The following RABGAP1L variants were observed in gnomAD, a reference collection of about 807,000 sequenced individuals.
RABGAP1L encodes the protein RAB GTPase activating protein 1 like.
Under a neutral mutation model 137.7 loss-of-function variants are expected in RABGAP1L, and 63 were observed. The ratio of observed to expected loss-of-function variants is 0.46; its 90% confidence interval spans 0.37 to 0.56. The LOEUF is 0.56. RABGAP1L is among the 20% of genes least tolerant of loss of function. The pLI, the probability that RABGAP1L is intolerant of heterozygous loss-of-function variation, is 0.00. For missense variants in RABGAP1L, 1,095 were observed against 1,244.0 expected (o/e 0.88, Z 1.80); for synonymous variants, 431 against 433.7 (o/e 0.99, Z 0.08).
In RABGAP1L at chr1:174,176,492, T is replaced by A. The variant is rs1205173870; in HGVS notation, c.-34+16835T>A. The stretch of plus-strand genomic sequence containing the variant: ...TGGGAGGCCGAGGCGGGCGGATCGC[T>A]GGAGCTTAGGAGTTCAAGATTAGCC... On this transcript the variant is annotated intron_variant, in intron 1 of 25. Coordinates refer to ENST00000681986, the MANE Select transcript of RABGAP1L (RefSeq NM_001366446.1). Among the ~76,000 whole-genome samples the A allele has an allele frequency of 2.0e-5, 3 of 150,656 alleles. No homozygotes were observed. The East Asian group carries it at 5.9e-4, about 30-fold the overall frequency.
At chr1:174,217,428 G>A (rs1669423133) in intron 1 of RABGAP1L, among the ~76,000 whole-genome samples, 1 of 152,156 alleles carries the variant, frequency 6.6e-6, no homozygotes, top group Non-Finnish European at 1.5e-5. Flanking sequence ...CTTAGAGTGT[G>A]TGACAAGGGA....
chr1:174,449,394 C>T (rs539082626), intron 13 of RABGAP1L, among the ~76,000 whole-genome samples: 2 of 152,060 alleles, frequency 1.3e-5, no homozygotes, highest in South Asian at 4.1e-4. Flanking sequence ...AGGGTTAGCT[C>T]ATGAAATAAT....
chr1:174,423,959 A>C (rs1054922644), intron 13 of RABGAP1L, among the ~76,000 whole-genome samples: 1 of 152,176 alleles, frequency 6.6e-6, no homozygotes, highest in Non-Finnish European at 1.5e-5. Context: ...GAGGCAAATG[A>C]TCTGACAAGT....
At chr1:174,380,947 C>T (rs936543387) in intron 12 of RABGAP1L, among the ~76,000 whole-genome samples, 8 of 124,224 alleles carry the variant, frequency 6.4e-5, no homozygotes, top group African/African-American at 2.6e-4. Context: ...TTTCCCTCTA[C>T]ACACTGCTTT....
intron 13 of RABGAP1L, among the ~76,000 whole-genome samples, chr1:174,402,752 C>T (rs1229194274): frequency 6.6e-6 from 1 of 152,134 alleles, no homozygotes; most frequent in Non-Finnish European, 1.5e-5. Flanking sequence ...GACCTTGTTC[C>T]TGTGTAGAAA....
At chr1:174,327,993 A>ATATATG (rs1680659333) in intron 11 of RABGAP1L, among the ~76,000 whole-genome samples, 1 of 60,496 alleles carries the variant, frequency 1.7e-5, no homozygotes, top group African/African-American at 7.7e-5. Flanking sequence ...ACACATATAT[A>ATATATG]TATATATATA....
At chr1:174,490,020 A>G (rs902467234) in intron 13 of RABGAP1L, among the ~76,000 whole-genome samples, 1 of 152,062 alleles carries the variant, frequency 6.6e-6, no homozygotes, top group Non-Finnish European at 1.5e-5. Flanking sequence ...GTTTTCTCAA[A>G]ACAGGTATTT....
intron 19 of RABGAP1L, chr1:174,849,556 G>C (rs1284244796): frequency 2.9e-6 from 1 of 340,984 alleles, no homozygotes; most frequent in African/African-American, 2.1e-5. Context: ...TAAATATTAA[G>C]AGTATGCTCT....
At chr1:174,459,590 A>C (rs987431492) in intron 13 of RABGAP1L, among the ~76,000 whole-genome samples, 1 of 152,144 alleles carries the variant, frequency 6.6e-6, no homozygotes, top group African/African-American at 2.4e-5. Flanking sequence ...CAATATAATT[A>C]GTTGTATTGT....
chr1:174,343,573 T>C (rs1418813518), intron 11 of RABGAP1L, among the ~76,000 whole-genome samples: 1 of 152,234 alleles, frequency 6.6e-6, no homozygotes. Flanking sequence ...TTTGATTTTT[T>C]AGGTAGCCTA....
At chr1:174,310,517 G>T (rs1484693302) in intron 11 of RABGAP1L, among the ~76,000 whole-genome samples, 2 of 152,078 alleles carry the variant, frequency 1.3e-5, no homozygotes, top group Non-Finnish European at 2.9e-5. Flanking sequence ...TGGATGATCT[G>T]TCCATTGCTG....
rs188143704 is a variant in RABGAP1L, at chr1:174,804,416, G to A, written c.2212-7416G>A. On this transcript the variant is annotated intron_variant, in intron 18 of 25. Coordinates refer to ENST00000681986, the MANE Select transcript of RABGAP1L (RefSeq NM_001366446.1). ...CTCCTGAGCAGCTGGGACTACAGGC[G>A]CCCACCACCATGCCTGGCTTATTTT... Among the ~76,000 whole-genome samples, 227 of 151,672 alleles carry A rather than the reference G, an allele frequency of 1.5e-3. 1 individual carries two copies. The highest frequency in any genetic ancestry group is 5.2e-3 in the East Asian group (27 of 5,152).
intron 1 of RABGAP1L, among the ~76,000 whole-genome samples, chr1:174,174,003 A>G (rs1260890658): frequency 6.6e-6 from 1 of 152,196 alleles, no homozygotes; most frequent in African/African-American, 2.4e-5. Flanking sequence ...TTAATAAGAA[A>G]TTCTTTATAA....
intron 13 of RABGAP1L, among the ~76,000 whole-genome samples, chr1:174,607,247 G>A (rs190274780): frequency 1.3e-5 from 2 of 152,254 alleles, no homozygotes; most frequent in African/African-American, 4.8e-5. Flanking sequence ...CAGTAAAATA[G>A]AAACAAAGAG....
At chr1:174,843,023 T>C (rs568718760) in intron 19 of RABGAP1L, among the ~76,000 whole-genome samples, 1 of 152,238 alleles carries the variant, frequency 6.6e-6, no homozygotes, top group South Asian at 2.1e-4. Flanking sequence ...ACTAATTACT[T>C]TTTATAACTG....
intron 13 of RABGAP1L, among the ~76,000 whole-genome samples, chr1:174,616,437 C>T (rs1671877868): frequency 6.6e-6 from 1 of 152,200 alleles, no homozygotes; most frequent in African/African-American, 2.4e-5. Context: ...TTCTCTAATT[C>T]TGATTTATTC....
intron 13 of RABGAP1L, among the ~76,000 whole-genome samples, chr1:174,435,815 A>ACC (rs1653213149): frequency 7.6e-6 from 1 of 131,800 alleles, no homozygotes; most frequent in Non-Finnish European, 1.6e-5. Flanking sequence ...CTCCCCCGAC[A>ACC]CCACAACCGT....
At chr1:174,206,573 C>G (rs188288832) in intron 1 of RABGAP1L, among the ~76,000 whole-genome samples, 2 of 152,208 alleles carry the variant, frequency 1.3e-5, no homozygotes, top group East Asian at 3.9e-4. Context: ...GCAGCCTATC[C>G]AATCTTGACT....
intron 13 of RABGAP1L, among the ~76,000 whole-genome samples, chr1:174,499,640 G>A (rs1357141456): frequency 6.6e-6 from 1 of 152,170 alleles, no homozygotes; most frequent in Non-Finnish European, 1.5e-5. Context: ...GTTATGAAAT[G>A]GGAGTGATGG....
Sources: allele counts gnomAD v4.1 joint callset (sites outside exome capture counted in the v4.1 genomes callset), GRCh38; gene constraint gnomAD v4.1.1; transcripts MANE v1.5; gene names NCBI Gene and HGNC (gene_info 2026-07-23, HGNC 2026-07-21).